The following UBR7 variants were observed in gnomAD, a reference collection of about 807,000 sequenced individuals.
UBR7 encodes putative E3 ubiquitin-protein ligase UBR7.
A neutral mutation model predicts 57.0 loss-of-function variants in UBR7; 22 were observed. The ratio of observed to expected loss-of-function variants is 0.39; its 90% CI spans 0.28 to 0.55. The LOEUF (loss-of-function observed/expected upper bound fraction) is 0.55. Ranked by LOEUF, UBR7 falls within the 20% of genes least tolerant of loss-of-function variation. UBR7 has a pLI of 0.69. For missense variants in UBR7, 395 were observed against 513.2 expected (o/e 0.77, Z 2.23); for synonymous variants, 167 against 179.8 (o/e 0.93, Z 0.57).
At chr14:93,226,792 C>CAA (rs55907535) in intron 10 of UBR7, 151 bp from the exon 11 acceptor site, 591 of 346,840 alleles carry the variant, frequency 1.7e-3, no homozygotes, top group East Asian at 2.7e-3. Context: ...CACTCCATCT[C>CAA]AAAAAAAAAA....
chr14:93,228,274 C>G lies in UBR7; in HGVS notation c.*1239C>G, dbSNP rs759861920. The G allele has an allele frequency of 4.3e-6, 2 of 461,956 alleles. No individual in the cohort carries two copies. The highest frequency in any genetic ancestry group is 3.1e-5 in the South Asian group (2 of 64,540). The allele number at this position is 461,956 out of a possible 1,614,324, so 28.6% of individuals were successfully genotyped here. On this transcript the variant is annotated 3_prime_UTR_variant, in exon 11 of 11. Coordinates refer to ENST00000013070, the MANE Select transcript of UBR7 (RefSeq NM_175748.4). ...TTCAGTTGATATGAGATCTCTTTAA[C>G]ACCCCTCAGTCTATGTAGGAAATGC...
At chr14:93,219,413 C>G (rs1894660347) in intron 8 of UBR7, 52 bp downstream of exon 8, 1 of 1,608,382 alleles carries the variant, frequency 6.2e-7, no homozygotes. Flanking sequence ...ACTGGTGCCC[C>G]AAAATAAGAA....
At chr14:93,215,039 T>C in intron 5 of UBR7, 57 bp downstream of exon 5, 1 of 1,493,568 alleles carries the variant, frequency 6.7e-7, no homozygotes, top group Non-Finnish European at 9.2e-7. Context: ...ATAAAGGTTA[T>C]ATTTTACATT....
intron 3 of UBR7, 152 bp from the exon 4 acceptor site, chr14:93,211,880 G>A (rs1894491731): frequency 6.4e-6 from 4 of 624,036 alleles, no homozygotes; most frequent in South Asian, 2.0e-5. Flanking sequence ...CCCTTTAGTG[G>A]TAGTGAGTTT....
At chr14:93,214,337 C>T (rs1203933052) in intron 4 of UBR7, among the ~76,000 whole-genome samples, 1 of 152,178 alleles carries the variant, frequency 6.6e-6, no homozygotes, top group Admixed American at 6.5e-5. Flanking sequence ...GACAGAACAA[C>T]ATTGGGATGT....
In UBR7 at chr14:93,220,396, G is replaced by A. The variant is rs764083288; in HGVS notation, c.1108G>A (p.Val370Met). 1.9e-6 allele frequency: 3 copies of A among 1,613,906 alleles called. No homozygotes were observed. Among genetic ancestry groups the A allele is most frequent in the Non-Finnish European group, 2.5e-6 (3 of 1,180,012 alleles). ...TLSSMNRVQQ[V>M]ELICEYNDLK... ...TAGCAGCATGAATAGAGTCCAGCAAGTGGAACTCATTTGTGGTAAATACTG... is the reference window on the plus strand; with the variant it reads ...TAGCAGCATGAATAGAGTCCAGCAAATGGAACTCATTTGTGGTAAATACTG... The change falls in exon 9 of 11, where the codon GTG (valine) becomes ATG (methionine). Residue 370 changes from valine to methionine, a missense_variant. By Grantham distance (21) the Val-to-Met change is conservative. Coordinates refer to ENST00000013070, the MANE Select transcript of UBR7 (RefSeq NM_175748.4).
Position 93,220,309 on chromosome 14 carries a change from T to C in UBR7, c.1021T>C (p.Tyr341His), listed in dbSNP as rs368656256. 5 of 1,613,464 alleles carry C rather than the reference T, an allele frequency of 3.1e-6. No homozygotes were observed. Among genetic ancestry groups the C allele is most frequent in the Non-Finnish European group, 4.2e-6 (5 of 1,179,940 alleles). Residue 341 changes from tyrosine to histidine, a missense_variant, in exon 9 of 11, where the codon TAT becomes CAT. By Grantham distance (83) the Tyr-to-His change is moderately conservative. Transcript: ENST00000013070. Reference protein sequence around the residue: ...LTDEYDTVLAYENKGKIAQAT... With the variant: ...LTDEYDTVLAHENKGKIAQAT... ...AGATGAATACGACACAGTTCTGGCT[T>C]ATGAAAACAAAGGGAAGATTGCCCA...
rs1595272641 is a variant in UBR7, at chr14:93,226,961, A to G, written c.1204A>G (p.Ile402Val). Residue 402 changes from isoleucine to valine, a missense_variant, in exon 11 of 11, where the codon ATT becomes GTT. Ile to Val is a conservative substitution (Grantham distance 29). Coordinates refer to ENST00000013070, the MANE Select transcript of UBR7 (RefSeq NM_175748.4). The stretch of plus-strand genomic sequence containing the variant: ...AAAACAGGTTGTTAAGAGAGAGGAC[A>G]TTCAGCAGTTCTTTGAAGAGTTTCA... ...DEGTVVKRED[I>V]QQFFEEFQSK... 6.2e-7 allele frequency: 1 copy of G among 1,613,158 alleles called. No homozygotes were observed. Among genetic ancestry groups the G allele is most frequent in the East Asian group, 2.2e-5 (1 of 44,840 alleles).
chr14:93,213,275 T>G (rs114130162), intron 4 of UBR7, among the ~76,000 whole-genome samples: 2,847 of 152,206 alleles, frequency 0.019, 91 homozygotes, highest in African/African-American at 0.065. Flanking sequence ...TCTTGAAAAT[T>G]TTGCCATTCT....
intron 9 of UBR7, among the ~76,000 whole-genome samples, chr14:93,222,039 TTTAAAAA>T (rs1269432639): frequency 6.6e-6 from 1 of 152,118 alleles, no homozygotes; most frequent in Non-Finnish European, 1.5e-5. Flanking sequence ...AGGAAGCCCT[TTTAAAAA>T]TTCTTAATCT....
chr14:93,226,820 A>T (rs1477322681), intron 10 of UBR7, 123 bp from the exon 11 acceptor site: 1 of 553,332 alleles, frequency 1.8e-6, no homozygotes, highest in Admixed American at 3.0e-5. Context: ...AAAATAGAAA[A>T]TGGAGATGTT....
At chr14:93,217,334 G>T (rs1894611346) in intron 6 of UBR7, among the ~76,000 whole-genome samples, 2 of 152,092 alleles carry the variant, frequency 1.3e-5, no homozygotes, top group South Asian at 4.2e-4. Flanking sequence ...GCTTAATTGG[G>T]TTTTTTAAAT....
At chr14:93,212,321 A>T (rs1209739866) in intron 4 of UBR7, among the ~76,000 whole-genome samples, 194 bp downstream of exon 4, 1 of 152,296 alleles carries the variant, frequency 6.6e-6, no homozygotes, top group East Asian at 1.9e-4. Flanking sequence ...TCATTTTTAC[A>T]TCATAAGAAT....
intron 9 of UBR7, among the ~76,000 whole-genome samples, chr14:93,220,947 A>C (rs1894692319): frequency 6.6e-6 from 1 of 151,748 alleles, no homozygotes; most frequent in Admixed American, 6.6e-5. Context: ...GTCTTTTATT[A>C]TTTATTTATT....
Position 93,211,888 on chromosome 14 carries a change from T to G in UBR7, c.346-144T>G, listed in dbSNP as rs1402525383. ...AAAGTATCCCTTTAGTGGTAGTGAG[T>G]TTTTTTTTTCCTACTTTGAAAATTA... On this transcript the variant is annotated intron_variant, in intron 3 of 10. Transcript: ENST00000013070. 2.5e-5 allele frequency: 15 copies of G among 593,492 alleles called. No individual in the cohort carries two copies. In the Admixed American group the frequency reaches 3.7e-4, roughly 15 times the overall value. 36.8% of individuals were successfully genotyped at this position (593,492 alleles called of 1,614,324 possible).
chr14:93,209,734 C>G, intron 1 of UBR7, 90 bp from the exon 2 acceptor site: 1 of 1,480,092 alleles, frequency 6.8e-7, no homozygotes. Flanking sequence ...CACAGATAAT[C>G]TGATTTTAAT....
chr14:93,209,996 A>G (rs773528929), intron 2 of UBR7, 39 bp downstream of exon 2: 1 of 1,609,820 alleles, frequency 6.2e-7, no homozygotes, highest in South Asian at 1.1e-5. Context: ...ATGCTTTTGA[A>G]GTATAGATTC....
At chr14:93,226,650 G>A (rs1029856742) in intron 10 of UBR7, among the ~76,000 whole-genome samples, 9 of 152,124 alleles carry the variant, frequency 5.9e-5, no homozygotes, top group South Asian at 2.1e-4. Context: ...AAAATTAGCC[G>A]GGCTTGGTGG....
At chr14:93,208,961 C>T (rs561306172) in intron 1 of UBR7, among the ~76,000 whole-genome samples, 1 of 152,236 alleles carries the variant, frequency 6.6e-6, no homozygotes, top group South Asian at 2.1e-4. Flanking sequence ...TCACGTCCAG[C>T]TAATTTTTGT....
Sources: gnomAD v4.1 joint callset for allele counts (sites outside exome capture counted in the v4.1 genomes callset) on GRCh38, gnomAD v4.1.1 for gene constraint, MANE v1.5 for transcripts, NCBI Gene and HGNC (gene_info 2026-07-23, HGNC 2026-07-21) for gene names.